Variants in COL4A4 observed in about 807,000 individuals in gnomAD.
COL4A4 encodes the protein collagen alpha-4(IV) chain.
COL4A4 carries 105 observed loss-of-function variants against 192.9 expected under a neutral mutation model. The ratio of observed to expected loss-of-function variants is 0.54; its 90% CI spans 0.46 to 0.64. The LOEUF is 0.64. COL4A4 is among the 30% of genes least tolerant of loss of function. COL4A4 has a pLI of 0.00. For missense variants in COL4A4, 1,967 were observed against 2,169.3 expected (o/e 0.91, Z 1.85); for synonymous variants, 762 against 769.9 (o/e 0.99, Z 0.17).
intron 44 of COL4A4, among the ~76,000 whole-genome samples, chr2:227,021,372 TC>T (rs1260427460): frequency 6.6e-6 from 1 of 152,018 alleles, no homozygotes; most frequent in Non-Finnish European, 1.5e-5. Flanking sequence ...CTGTTTCCGC[TC>T]CACCAAGCCC....
chr2:227,097,787 G>C (rs2060284319), intron 19 of COL4A4, among the ~76,000 whole-genome samples: 1 of 152,204 alleles, frequency 6.6e-6, no homozygotes, highest in Non-Finnish European at 1.5e-5. Flanking sequence ...CTGAAAGCTA[G>C]ATTCATGGAA....
chr2:227,111,597 C>T (rs1371010877), intron 9 of COL4A4, 81 bp downstream of exon 9: 24 of 1,450,834 alleles, frequency 1.7e-5, no homozygotes, highest in South Asian at 1.4e-4. Context: ...AATTATGTAG[C>T]TGGCTTTGCT....
chr2:227,050,058 C>T lies in COL4A4; in HGVS notation c.3214+10G>A. On this transcript the variant is annotated intron_variant, in intron 34 of 47. Coordinates refer to ENST00000396625, the MANE Select transcript of COL4A4 (RefSeq NM_000092.5). ...ATTTGACAGATGGCTTCTGTATCTC[C>T]AAACCATACCTTTAGGTCCTCTTGC... The T allele has an allele frequency of 2.5e-6, 4 of 1,613,584 alleles. No individual in the cohort carries two copies. The highest frequency in any genetic ancestry group is 3.4e-6 in the Non-Finnish European group (4 of 1,179,478).
rs192851732 is a variant in COL4A4 at position 227,152,611 on chromosome 2, C to G, written c.-101-5027G>C. Reference sequence around the variant, plus strand: ...AGCAGAGCCTCCATCTTGCTGTTGGCCTGACACTGTAAACAGCAGTGTGCC... The same window carrying G: ...AGCAGAGCCTCCATCTTGCTGTTGGGCTGACACTGTAAACAGCAGTGTGCC... On this transcript the variant is annotated intron_variant, in intron 1 of 47. Coordinates refer to ENST00000396625, the MANE Select transcript of COL4A4 (RefSeq NM_000092.5). 2.1e-3 allele frequency among the ~76,000 whole-genome samples: 320 copies of G among 152,302 alleles called. 1 individual carries two copies. Among genetic ancestry groups the G allele is most frequent in the South Asian group, 6.2e-3 (30 of 4,818 alleles).
At chr2:227,161,418 G>A (rs1367794616) in intron 1 of COL4A4, among the ~76,000 whole-genome samples, 1 of 152,194 alleles carries the variant, frequency 6.6e-6, no homozygotes, top group African/African-American at 2.4e-5. Flanking sequence ...TCCTTTGAAT[G>A]TACGAAAAGA....
At chr2:227,154,132 A>G (rs1261431921) in intron 1 of COL4A4, among the ~76,000 whole-genome samples, 2 of 152,224 alleles carry the variant, frequency 1.3e-5, no homozygotes, top group African/African-American at 4.8e-5. Flanking sequence ...AGTAATTTCC[A>G]GCATGTACAT....
chr2:227,054,978 C>T (rs952766093), intron 30 of COL4A4, among the ~76,000 whole-genome samples: 5 of 151,988 alleles, frequency 3.3e-5, no homozygotes, highest in Admixed American at 2.6e-4. Context: ...TTAGTAGAGA[C>T]GGAGTTTCAC....
At chr2:226,991,819 T>A in the COL4A4 span, among the ~76,000 whole-genome samples, 1 of 152,226 alleles carries the variant, frequency 6.6e-6, no homozygotes, top group Non-Finnish European at 1.5e-5. Flanking sequence ...GAAAGGACCC[T>A]GGAAGTCCCC....
chr2:226,988,593 C>A, the COL4A4 span: 1 of 1,364,110 alleles, frequency 7.3e-7, no homozygotes, highest in Non-Finnish European at 9.4e-7. Context: ...TCAGAAGAGG[C>A]CGGGGGCTCC....
chr2:226,989,940 A>G, the COL4A4 span, among the ~76,000 whole-genome samples: 197 of 152,286 alleles, frequency 1.3e-3, no homozygotes, highest in Non-Finnish European at 1.8e-3. Context: ...GCATTAGGGA[A>G]TCTCCACTGT....
intron 3 of COL4A4, among the ~76,000 whole-genome samples, chr2:227,140,518 C>A (rs967691631): frequency 6.6e-6 from 1 of 152,146 alleles, no homozygotes. Context: ...TTCTCCCTTT[C>A]GGTAAGACTT....
intron 4 of COL4A4, among the ~76,000 whole-genome samples, chr2:227,127,829 G>A (rs751346547): frequency 6.6e-6 from 1 of 152,158 alleles, no homozygotes; most frequent in African/African-American, 2.4e-5. Context: ...TAGCCAGAAG[G>A]TATAAATAAA....
intron 44 of COL4A4, among the ~76,000 whole-genome samples, chr2:227,013,138 C>G (rs1343180876): frequency 6.6e-6 from 1 of 152,200 alleles, no homozygotes; most frequent in Non-Finnish European, 1.5e-5. Flanking sequence ...AAATAATTAG[C>G]CACCATCTCC....
rs554175237 is a variant in COL4A4 at position 227,009,045 on chromosome 2, G to GGGAGAGAA, written c.4523-749_4523-742dup. Among the ~76,000 whole-genome samples the GGGAGAGAA allele has an allele frequency of 2.3e-3, 354 of 152,260 alleles. 1 individual carries two copies. Among genetic ancestry groups the GGGAGAGAA allele is most frequent in the Non-Finnish European group, 3.2e-3 (216 of 68,018 alleles). ...AGGCAGGAAAGAAATTGATGGCAGA[G>GGGAGAGAA]GGAGAGAAGGAGAGAAGGAAACAGA... is the stretch of plus-strand genomic sequence containing the variant. On this transcript the variant is annotated intron_variant, in intron 46 of 47. Coordinates refer to ENST00000396625, the MANE Select transcript of COL4A4 (RefSeq NM_000092.5).
At chr2:227,155,428 T>C (rs1232891491) in intron 1 of COL4A4, among the ~76,000 whole-genome samples, 1 of 152,234 alleles carries the variant, frequency 6.6e-6, no homozygotes, top group Non-Finnish European at 1.5e-5. Flanking sequence ...TCCAAAATTA[T>C]ACAACTGACT....
At chr2:226,978,315 A>G in the COL4A4 span, among the ~76,000 whole-genome samples, 2 of 152,088 alleles carry the variant, frequency 1.3e-5, no homozygotes, top group African/African-American at 2.4e-5. Flanking sequence ...CTAGCCCCCC[A>G]TTAAAAATCT....
At chr2:227,042,669 C>CCGGCACTTTGGGAGGCTGAGA (rs2150099412) in intron 36 of COL4A4, among the ~76,000 whole-genome samples, 1 of 152,222 alleles carries the variant, frequency 6.6e-6, no homozygotes, top group South Asian at 2.1e-4. Context: ...GCCTGTAATC[C>CCGGCACTTTGGGAGGCTGAGA]CGGCACTTTG....
At chr2:226,981,563 CACACAT>C in the COL4A4 span, among the ~76,000 whole-genome samples, 23 of 89,510 alleles carry the variant, frequency 2.6e-4, no homozygotes, top group African/African-American at 1.6e-3. Flanking sequence ...TCCACATGCA[CACACAT>C]ACACACACAC....
At chr2:226,990,926 T>C in the COL4A4 span, among the ~76,000 whole-genome samples, 1 of 152,184 alleles carries the variant, frequency 6.6e-6, no homozygotes, top group African/African-American at 2.4e-5. Context: ...CACCCAGGCC[T>C]GTAAATGTCC....
Sources: allele counts gnomAD v4.1 joint callset (sites outside exome capture counted in the v4.1 genomes callset), GRCh38; gene constraint gnomAD v4.1.1; transcripts MANE v1.5; gene names NCBI Gene and HGNC (gene_info 2026-07-23, HGNC 2026-07-21).